Variants in DNAH10 observed in about 807,000 individuals in gnomAD.
The protein encoded by DNAH10 is dynein axonemal heavy chain 10.
A neutral mutation model predicts 506.6 loss-of-function variants in DNAH10; 348 were observed. The observed-to-expected ratio is 0.69, with a 90% CI of 0.63 to 0.75. The LOEUF (loss-of-function observed/expected upper bound fraction) is 0.75. Among genes scored for constraint, DNAH10 ranks in the 30% least tolerant of loss-of-function variants. DNAH10 has a pLI of 0.00. For missense variants in DNAH10, 5,179 were observed against 5,787.1 expected (o/e 0.89, Z 3.41); for synonymous variants, 2,059 against 2,198.6 (o/e 0.94, Z 1.78).
At position 123,845,797 on chromosome 12, in the gene DNAH10, G is replaced by A. The variant is rs766407018; in HGVS notation, c.5558G>A (p.Arg1853Lys). 7.4e-6 allele frequency: 12 copies of A among 1,613,882 alleles called. No homozygotes were observed. The African/African-American group carries it at 1.5e-4, about 20-fold the overall frequency. Residue 1853 changes from arginine to lysine, a missense_variant, in exon 31 of 79, where the codon AGG becomes AAG. Arg to Lys is a conservative substitution (Grantham distance 26). Around this residue, in one of 3 missense-constraint regions of DNAH10, gnomAD observed 4,844 missense variants for 5,430.5 expected, o/e 0.89. Coordinates refer to ENST00000673944, the MANE Select transcript of DNAH10 (RefSeq NM_001372106.1). ...RITMPLSKND[R>K]KKYNTVLIID... is the part of the protein sequence containing the mutation. ...ACCATGCCGCTAAGCAAAAACGACAGGAAAAAATACAACACTGTTCTCATC... is the reference window on the plus strand; with the variant it reads ...ACCATGCCGCTAAGCAAAAACGACAAGAAAAAATACAACACTGTTCTCATC...
In DNAH10 at chr12:123,907,288, G is replaced by A. The variant is rs192514055; in HGVS notation, c.9816-1973G>A. On this transcript the variant is annotated intron_variant, in intron 57 of 78. Transcript: ENST00000673944. This position sits in a 1 kb window ranked among gnomAD's most constrained non-coding sequence, Gnocchi z 4.4. ...GCTGGAGAAAAAGCAGAGACAGCTG[G>A]TGTGTCAGGGGTAGAGTACTGGGAG... Among the ~76,000 whole-genome samples the A allele has an allele frequency of 9.2e-5, 14 of 152,338 alleles. No homozygotes were observed. In the East Asian group the frequency reaches 2.7e-3, roughly 29 times the overall value.
At position 123,774,134 on chromosome 12, in the gene DNAH10, C is replaced by A; in HGVS notation, c.506-15C>A. The A allele has an allele frequency of 6.4e-7, 1 of 1,569,848 alleles. No homozygotes were observed. ...TCTCCCACTGACCTTACATTCTACA[C>A]CTGTTCTTCTTTAGAGGCAATCTCT... On this transcript the variant is annotated splice_polypyrimidine_tract_variant and intron_variant, in intron 4 of 78. Coordinates refer to ENST00000673944, the MANE Select transcript of DNAH10 (RefSeq NM_001372106.1).
In DNAH10 at chr12:123,914,952, C is replaced by T. The variant is rs1303761184; in HGVS notation, c.10675C>T (p.Gln3559Ter). ...RFPLCIDPQQQALNWIKRKEE... is the reference protein window; with the variant it reads ...RFPLCIDPQQ ...CCCTCTGTGTATCGACCCCCAGCAG[C>T]AGGCCCTCAACTGGATCAAGAGAAA... is the stretch of plus-strand genomic sequence containing the variant. Residue 3559 changes from glutamine (Q) to a stop codon, truncating the protein, a stop_gained, in exon 62 of 79, where the codon CAG becomes TAG. Coordinates refer to ENST00000673944, the MANE Select transcript of DNAH10 (RefSeq NM_001372106.1). LOFTEE classifies it high-confidence loss of function. The T allele has an allele frequency of 1.9e-6, 3 of 1,611,962 alleles. No individual in the cohort carries two copies. Among genetic ancestry groups the T allele is most frequent in the Non-Finnish European group, 2.5e-6 (3 of 1,179,054 alleles).
At chr12:123,834,740 A>G (rs1960952454) in intron 27 of DNAH10, among the ~76,000 whole-genome samples, 1 of 152,068 alleles carries the variant, frequency 6.6e-6, no homozygotes, top group Non-Finnish European at 1.5e-5. Flanking sequence ...GGATTTACCT[A>G]TTTTGGATAA....
intron 57 of DNAH10, among the ~76,000 whole-genome samples, chr12:123,904,815 C>T (rs1036877756): frequency 6.6e-6 from 1 of 152,172 alleles, no homozygotes; most frequent in Non-Finnish European, 1.5e-5. Context: ...GGGCTGGGCA[C>T]ATGGTCAGAG....
intron 13 of DNAH10, among the ~76,000 whole-genome samples, chr12:123,798,871 C>T (rs1208726932): frequency 2.7e-5 from 4 of 149,430 alleles, no homozygotes; most frequent in East Asian, 1.9e-4. Flanking sequence ...TTTGAAAGGC[C>T]GAGGTGGGCA....
In DNAH10 at chr12:123,935,350, C is replaced by G. The variant is rs745415874; in HGVS notation, c.13639C>G (p.Pro4547Ala). ...TCCCTTGCAGAATACTTTCCGGACC[C>G]CCGTCTACACCACCTCCATGAGAAG... ...RLKLQNTFRT[P>A]VYTTSMRRNA... Residue 4547 changes from proline to alanine, a missense_variant, in exon 79 of 79, where the codon CCC (proline) becomes GCC (alanine). Coordinates refer to ENST00000673944, the MANE Select transcript of DNAH10 (RefSeq NM_001372106.1). 26 of 1,603,644 alleles carry G rather than the reference C, an allele frequency of 1.6e-5. 1 individual carries two copies. In the South Asian group the frequency reaches 2.1e-4, roughly 13 times the overall value.
chr12:123,808,480 T>C (rs1457344924), intron 18 of DNAH10, among the ~76,000 whole-genome samples: 1 of 152,168 alleles, frequency 6.6e-6, no homozygotes, highest in African/African-American at 2.4e-5. Flanking sequence ...ATGGAGCCAG[T>C]AGGGCAGGCT....
In DNAH10 at chr12:123,808,836, C is replaced by G. The variant is rs1958815657; in HGVS notation, c.3027C>G (p.Val1009=). 1 of 1,614,152 alleles carries G rather than the reference C, an allele frequency of 6.2e-7. No homozygotes were observed. Among genetic ancestry groups the G allele is most frequent in the Non-Finnish European group, 8.5e-7 (1 of 1,180,022 alleles). The change falls in exon 19 of 79, where the codon GTC becomes GTG. Residue 1009 remains valine (V), a synonymous_variant. Transcript: ENST00000673944. ...QSFNSLILGN[V]PLFHTETILT... ...TTAATTCTTTGATCCTTGGAAATGTCCCTCTGTTCCACACTGAAACCATTC... is the reference window on the plus strand; with the variant it reads ...TTAATTCTTTGATCCTTGGAAATGTGCCTCTGTTCCACACTGAAACCATTC...
Position 123,831,263 on chromosome 12 carries a change from G to A in DNAH10, c.4545+564G>A, listed in dbSNP as rs147092942. On this transcript the variant is annotated intron_variant, in intron 26 of 78. Coordinates refer to ENST00000673944, the MANE Select transcript of DNAH10 (RefSeq NM_001372106.1). Reference sequence around the variant, plus strand: ...CCTACTTAAAAATGCATGCACACATGTATACATATGCATACACACATACTA... The same window carrying A: ...CCTACTTAAAAATGCATGCACACATATATACATATGCATACACACATACTA... Among the ~76,000 whole-genome samples, 98 of 152,064 alleles carry A rather than the reference G, an allele frequency of 6.4e-4. 1 individual carries two copies. The highest frequency in any genetic ancestry group is 1.6e-3 in the African/African-American group (68 of 41,358).
At chr12:123,921,389 C>T (rs1954714952) in intron 65 of DNAH10, among the ~76,000 whole-genome samples, 1 of 152,196 alleles carries the variant, frequency 6.6e-6, no homozygotes, top group Non-Finnish European at 1.5e-5. Context: ...GCCTGGTGTT[C>T]CCCCGTCCAG....
rs1954298983 is a variant in DNAH10, at chr12:123,913,007, C to T, written c.10135-91C>T. 5.0e-6 allele frequency: 6 copies of T among 1,195,400 alleles called. No homozygotes were observed. Among genetic ancestry groups the T allele is most frequent in the African/African-American group, 1.5e-5 (1 of 65,008 alleles). The allele number at this position is 1,195,400 out of a possible 1,614,324, so 74.0% of individuals were successfully genotyped here. On this transcript the variant is annotated intron_variant, in intron 59 of 78. Transcript: ENST00000673944. The surrounding 1 kb of genome is among the most constrained non-coding windows in gnomAD (Gnocchi z 5.1). ...CTGAAAAGCACAGACACCATTAGAG[C>T]AGTTTAGACATGTGGCCTGGTTTGA...
intron 42 of DNAH10, 53 bp downstream of exon 42, chr12:123,867,654 C>T (rs1426535603): frequency 4.4e-6 from 7 of 1,606,332 alleles, no homozygotes; most frequent in Admixed American, 1.7e-5. Context: ...TAAAGACAAG[C>T]TCACGGTAGG....
At position 123,893,722 on chromosome 12, in the gene DNAH10, C is replaced by T. The variant is rs149178109; in HGVS notation, c.9199+286C>T. The stretch of plus-strand genomic sequence containing the variant: ...TTCCTTCCATTTGGGAAAATTCCAC[C>T]AGCCTCATGCCAGCCTTTAGAGCAG... On this transcript the variant is annotated intron_variant, in intron 53 of 78. Coordinates refer to ENST00000673944, the MANE Select transcript of DNAH10 (RefSeq NM_001372106.1). 1.7e-3 allele frequency among the ~76,000 whole-genome samples: 265 copies of T among 152,310 alleles called. 3 individuals carry two copies. The highest frequency in any genetic ancestry group is 5.9e-3 in the African/African-American group (247 of 41,570).
intron 38 of DNAH10, among the ~76,000 whole-genome samples, chr12:123,860,623 G>C (rs1226988895): frequency 6.6e-6 from 1 of 152,168 alleles, no homozygotes; most frequent in Non-Finnish European, 1.5e-5. Context: ...GTAGTCCAAA[G>C]CCTTGTTATT....
In DNAH10 at chr12:123,787,399, CTCTA is replaced by C. The variant is rs959044770; in HGVS notation, c.1422-400_1422-397del. ...TATTTATATACATCTCTCTCTCTCTCTCTATCTACCTGCATAGCTAGATCTCCAT... is the reference window on the plus strand; with the variant it reads ...TATTTATATACATCTCTCTCTCTCTCTCTACCTGCATAGCTAGATCTCCAT... On this transcript the variant is annotated intron_variant, in intron 9 of 78. Coordinates refer to ENST00000673944, the MANE Select transcript of DNAH10 (RefSeq NM_001372106.1). This position sits in a 1 kb window ranked among gnomAD's most constrained non-coding sequence, Gnocchi z 4.6. Among the ~76,000 whole-genome samples the C allele has an allele frequency of 6.8e-6, 1 of 146,674 alleles. No homozygotes were observed. The highest frequency in any genetic ancestry group is 2.7e-5 in the African/African-American group (1 of 37,054).
Position 123,868,089 on chromosome 12 carries a change from G to C in DNAH10, c.7489G>C (p.Gly2497Arg), listed in dbSNP as rs753300343. Residue 2497 changes from glycine to arginine, a missense_variant, in exon 43 of 79, where the codon GGA (glycine) becomes CGA (arginine). Gly to Arg is a moderately radical substitution (Grantham distance 125, BLOSUM62 -2). This residue lies in a region of DNAH10 where 4,844 missense variants were observed against 5,430.5 expected (regional missense o/e 0.89). Transcript: ENST00000673944. ...TTCTTTGTCTACTGTTGACACAGAA[G>C]GAGTTTGGGCCAACCCTGGGGAACT... Reference protein sequence around the residue: ...LASLSTVDTEGVWANPGELPG... With the variant: ...LASLSTVDTERVWANPGELPG... The C allele has an allele frequency of 1.1e-5, 18 of 1,613,466 alleles. No individual in the cohort carries two copies. Among genetic ancestry groups the C allele is most frequent in the Middle Eastern group, 1.7e-4 (1 of 5,766 alleles).
intron 30 of DNAH10, among the ~76,000 whole-genome samples, chr12:123,844,004 C>T (rs761339649): frequency 6.6e-6 from 1 of 152,190 alleles, no homozygotes; most frequent in Non-Finnish European, 1.5e-5. Flanking sequence ...TACAGAAATA[C>T]TCAAGACTGG....
chr12:123,795,580 T>G (rs1356824750), intron 12 of DNAH10, among the ~76,000 whole-genome samples: 1 of 152,216 alleles, frequency 6.6e-6, no homozygotes, highest in Non-Finnish European at 1.5e-5. Context: ...ACCCTTGTGA[T>G]TACATAGAAC....
Sources: allele counts gnomAD v4.1 joint callset (sites outside exome capture counted in the v4.1 genomes callset), GRCh38; gene constraint gnomAD v4.1.1; regional missense constraint gnomAD v4.1.1; non-coding constraint Gnocchi (gnomAD v3.1); transcripts MANE v1.5; gene names NCBI Gene and HGNC (gene_info 2026-07-23, HGNC 2026-07-21).